KDM2A: variants seen among roughly 807,000 people sequenced by gnomAD.
KDM2A encodes lysine-specific demethylase 2A.
A neutral mutation model predicts 137.3 loss-of-function variants in KDM2A; 3 were observed. The ratio of observed to expected loss-of-function variants is 0.02; its 90% CI spans 0.01 to 0.06. KDM2A has a LOEUF of 0.06. KDM2A is among the 10% of genes least tolerant of loss of function. The pLI, the probability that KDM2A is intolerant of heterozygous loss-of-function variation, is 1.00. For missense variants in KDM2A, 738 were observed against 1,510.6 expected, an observed-to-expected ratio of 0.49 and a Z score of 8.48; for synonymous variants, 512 against 541.5, an observed-to-expected ratio of 0.95 and a Z score of 0.76.
chr11:67,254,508 C>T lies in KDM2A; in HGVS notation c.3307+90C>T. ...TCAGTAAACCAGAATGACCTTGGGT[C>T]TGTTGATTGACCCACATCAGCTCAT... On this transcript the variant is annotated intron_variant, in intron 20 of 20. Transcript: ENST00000529006. The surrounding 1 kb of genome is among the most constrained non-coding windows in gnomAD (Gnocchi z 4.7). 1 of 1,119,082 alleles carries T rather than the reference C, an allele frequency of 8.9e-7. No individual in the cohort carries two copies. The highest frequency in any genetic ancestry group is 2.4e-5 in the East Asian group (1 of 42,482). The allele number at this position is 1,119,082 out of a possible 1,614,324, so 69.3% of individuals were successfully genotyped here. A position where few individuals can be genotyped will look rare whatever the true frequency, so the allele number is the denominator to read the frequency against.
At chr11:67,240,236 A>G (rs995934360) in intron 12 of KDM2A, 62 of 1,535,480 alleles carry the variant, frequency 4.0e-5, no homozygotes, top group Non-Finnish European at 5.3e-5. Context: ...CAGAATATTC[A>G]AGTAAATCCG....
In KDM2A at chr11:67,207,583, A is replaced by G. The variant is rs761365159; in HGVS notation, c.381A>G (p.Thr127=). ...TTGAAATGACCATGGCTCAGTGGACACGCTACTATGAGACCCCAGAGGAGG... is the reference window on the plus strand; with the variant it reads ...TTGAAATGACCATGGCTCAGTGGACGCGCTACTATGAGACCCCAGAGGAGG... The part of the protein sequence containing the change: ...KGIEMTMAQW[T]RYYETPEEER... The change falls in exon 6 of 21, where the codon ACA becomes ACG. Residue 127 remains threonine, a synonymous_variant. Coordinates refer to ENST00000529006, the MANE Select transcript of KDM2A (RefSeq NM_012308.3). The G allele has an allele frequency of 6.2e-7, 1 of 1,613,862 alleles. No individual in the cohort carries two copies. Among genetic ancestry groups the G allele is most frequent in the Non-Finnish European group, 8.5e-7 (1 of 1,179,836 alleles).
At chr11:67,184,500 C>T (rs1391013572) in intron 5 of KDM2A, among the ~76,000 whole-genome samples, 3 of 151,784 alleles carry the variant, frequency 2.0e-5, no homozygotes, top group Non-Finnish European at 4.4e-5. Flanking sequence ...TGGTGGTGGG[C>T]GCCTGTAATC....
chr11:67,188,097 A>G (rs561537036), intron 5 of KDM2A, among the ~76,000 whole-genome samples: 58 of 152,284 alleles, frequency 3.8e-4, no homozygotes, highest in Non-Finnish European at 7.6e-4. Context: ...GCTCCTAGCC[A>G]CTTGGAAGGC....
chr11:67,172,718 T>C (rs771561726), intron 2 of KDM2A, among the ~76,000 whole-genome samples: 3 of 151,876 alleles, frequency 2.0e-5, no homozygotes, highest in Non-Finnish European at 2.9e-5. Flanking sequence ...ACTTGTTCCT[T>C]TCCAAACTTT....
intron 2 of KDM2A, among the ~76,000 whole-genome samples, chr11:67,124,096 C>T (rs1333353569): frequency 1.3e-5 from 2 of 150,926 alleles, no homozygotes; most frequent in South Asian, 2.1e-4. Context: ...CTCTGGCTCC[C>T]GGGTTCAGGT....
In KDM2A at chr11:67,190,296, G is replaced by A. The variant is rs957143410; in HGVS notation, c.307+8404G>A. Among the ~76,000 whole-genome samples the A allele has an allele frequency of 1.8e-4, 27 of 152,172 alleles. No individual in the cohort carries two copies. In the Middle Eastern group the frequency reaches 0.01, roughly 58 times the overall value. Reference sequence around the variant, plus strand: ...GTGGTGGTACATGCCTGTAATCCCAGCTACTCAGGAGGCTGAGGCAGGAGA... The same window carrying A: ...GTGGTGGTACATGCCTGTAATCCCAACTACTCAGGAGGCTGAGGCAGGAGA... On this transcript the variant is annotated intron_variant, in intron 5 of 20. Coordinates refer to ENST00000529006, the MANE Select transcript of KDM2A (RefSeq NM_012308.3).
Position 67,126,016 on chromosome 11 carries a change from C to T in KDM2A, c.42+4658C>T, listed in dbSNP as rs190087149. On this transcript the variant is annotated intron_variant, in intron 2 of 20. Coordinates refer to ENST00000529006, the MANE Select transcript of KDM2A (RefSeq NM_012308.3). The stretch of plus-strand genomic sequence containing the variant: ...ATCCCAGCACTTCGGGAGGCTGAGG[C>T]GGGTGGATCACCTGAGGTCGGGAGA... 7.6e-4 allele frequency among the ~76,000 whole-genome samples: 111 copies of T among 146,766 alleles called. 1 individual carries two copies. The highest frequency in any genetic ancestry group is 2.7e-3 in the African/African-American group (106 of 39,496).
chr11:67,141,732 C>T (rs1282158276), intron 2 of KDM2A, among the ~76,000 whole-genome samples: 5 of 147,490 alleles, frequency 3.4e-5, no homozygotes, highest in Admixed American at 6.8e-5. Flanking sequence ...TAATTATAGT[C>T]ACCCTACTTA....
intron 2 of KDM2A, among the ~76,000 whole-genome samples, chr11:67,144,174 A>C (rs1240049071): frequency 6.6e-6 from 1 of 150,522 alleles, no homozygotes; most frequent in Non-Finnish European, 1.5e-5. Context: ...CAAACTCCTG[A>C]TGTCACGTGA....
At chr11:67,205,961 T>C (rs1857793415) in intron 5 of KDM2A, among the ~76,000 whole-genome samples, 1 of 152,202 alleles carries the variant, frequency 6.6e-6, no homozygotes, top group Non-Finnish European at 1.5e-5. Flanking sequence ...CTAATAAAAA[T>C]ATGATACTTC....
At position 67,180,205 on chromosome 11, in the gene KDM2A, A is replaced by G; in HGVS notation, c.169A>G (p.Met57Val). The G allele has an allele frequency of 1.2e-6, 2 of 1,613,702 alleles. No individual in the cohort carries two copies. Among genetic ancestry groups the G allele is most frequent in the Non-Finnish European group, 1.7e-6 (2 of 1,179,762 alleles). ...NKYNANFVTF[M>V]EGKDFNVEYI... ...ATATAATGCCAATTTTGTTACTTTT[A>G]TGGAAGGAAAAGGTCAGTATTGTTT... Residue 57 changes from methionine to valine, a missense_variant, in exon 3 of 21, where the codon ATG (methionine) becomes GTG (valine). Met to Val is a conservative substitution (Grantham distance 21, BLOSUM62 1). Coordinates refer to ENST00000529006, the MANE Select transcript of KDM2A (RefSeq NM_012308.3).
intron 5 of KDM2A, among the ~76,000 whole-genome samples, chr11:67,194,687 G>A (rs566152141): frequency 2.0e-5 from 3 of 152,290 alleles, no homozygotes; most frequent in African/African-American, 7.2e-5. Context: ...AATGTAGGTG[G>A]TATTAAACCA....
intron 2 of KDM2A, among the ~76,000 whole-genome samples, chr11:67,139,150 A>G (rs886559662): frequency 6.6e-6 from 1 of 151,490 alleles, no homozygotes. Flanking sequence ...GCCCATTACT[A>G]CGCCCTTCCT....
At chr11:67,193,395 A>C (rs907704794) in intron 5 of KDM2A, among the ~76,000 whole-genome samples, 3 of 152,198 alleles carry the variant, frequency 2.0e-5, no homozygotes, top group African/African-American at 7.2e-5. Flanking sequence ...TTTATTGACT[A>C]TTTGGGCCAT....
At chr11:67,237,384 C>A (rs775348492) in intron 12 of KDM2A, among the ~76,000 whole-genome samples, 1 of 151,918 alleles carries the variant, frequency 6.6e-6, no homozygotes, top group Non-Finnish European at 1.5e-5. Context: ...GAAGAAGACC[C>A]AGTATAGTTA....
chr11:67,172,872 C>CA (rs1385113739), intron 2 of KDM2A, among the ~76,000 whole-genome samples: 1 of 152,024 alleles, frequency 6.6e-6, no homozygotes, highest in East Asian at 1.9e-4. Flanking sequence ...TTCAGTCTTT[C>CA]ACCATTAAGT....
At chr11:67,187,669 G>A (rs775505210) in intron 5 of KDM2A, among the ~76,000 whole-genome samples, 1 of 151,898 alleles carries the variant, frequency 6.6e-6, no homozygotes. Context: ...CTGTCTCCTG[G>A]TTCAAGCGAT....
At chr11:67,161,241 G>T (rs1218717480) in intron 2 of KDM2A, among the ~76,000 whole-genome samples, 2 of 152,160 alleles carry the variant, frequency 1.3e-5, no homozygotes, top group Non-Finnish European at 2.9e-5. Flanking sequence ...AGAAAAACAA[G>T]ACTTTAGTGA....
Sources: gnomAD v4.1 joint callset for allele counts (sites outside exome capture counted in the v4.1 genomes callset) on GRCh38, gnomAD v4.1.1 for gene constraint, Gnocchi (gnomAD v3.1) non-coding constraint, MANE v1.5 for transcripts, NCBI Gene and HGNC (gene_info 2026-07-23, HGNC 2026-07-21) for gene names.